The following CADPS2 variants were observed in gnomAD, a reference collection of about 807,000 sequenced individuals.
CADPS2 encodes calcium-dependent secretion activator 2.
Under a neutral mutation model 172.5 loss-of-function variants are expected in CADPS2, and 93 were observed. That is an observed-to-expected ratio of 0.54 (90% CI 0.46 to 0.64). CADPS2 has a LOEUF of 0.64. Among genes scored for constraint, CADPS2 ranks in the 30% least tolerant of loss-of-function variants. The probability of loss-of-function intolerance (pLI) is 0.00; values close to 1 mark genes in which losing one functional copy is unlikely to be tolerated. For missense variants in CADPS2, 1,420 were observed against 1,565.9 expected (o/e 0.91, Z 1.57); for synonymous variants, 546 against 555.2 (o/e 0.98, Z 0.23).
chr7:122,706,959 T>A (rs185443856), intron 2 of CADPS2, among the ~76,000 whole-genome samples: 3 of 151,556 alleles, frequency 2.0e-5, no homozygotes, highest in Non-Finnish European at 4.4e-5. Context: ...ATCATGATTA[T>A]CTTAGGTTAA....
At chr7:122,444,886 T>A (rs958546370) in intron 15 of CADPS2, among the ~76,000 whole-genome samples, 1 of 152,194 alleles carries the variant, frequency 6.6e-6, no homozygotes. Context: ...GACACAGATT[T>A]TTCACCCAAG....
At chr7:122,465,480 G>A (rs1255389174) in intron 14 of CADPS2, among the ~76,000 whole-genome samples, 1 of 152,178 alleles carries the variant, frequency 6.6e-6, no homozygotes, top group East Asian at 1.9e-4. Context: ...AGGCAAGCGA[G>A]TACTGCCTGA....
intron 1 of CADPS2, among the ~76,000 whole-genome samples, chr7:122,743,224 A>T (rs149785239): frequency 1.6e-4 from 25 of 152,338 alleles, no homozygotes; most frequent in African/African-American, 6.0e-4. Context: ...AATTTTATAA[A>T]TCTGACCTGG....
chr7:122,687,642 T>G (rs1459148668), intron 2 of CADPS2, among the ~76,000 whole-genome samples: 1 of 152,194 alleles, frequency 6.6e-6, no homozygotes, highest in Non-Finnish European at 1.5e-5. Flanking sequence ...TAGCAACACC[T>G]TGTGTATTAT....
At chr7:122,394,475 T>C (rs889316878) in intron 20 of CADPS2, among the ~76,000 whole-genome samples, 1 of 152,206 alleles carries the variant, frequency 6.6e-6, no homozygotes, top group African/African-American at 2.4e-5. Flanking sequence ...TCAAAGAACA[T>C]GTCCTAAGCC....
At chr7:122,850,288 C>T (rs1047768521) in intron 1 of CADPS2, 20 of 627,616 alleles carry the variant, frequency 3.2e-5, no homozygotes, top group Non-Finnish European at 4.0e-5. Flanking sequence ...CCAGCAGCCT[C>T]CTTTCAGGGG....
chr7:122,357,057 A>G (rs2039503151), intron 27 of CADPS2, among the ~76,000 whole-genome samples: 1 of 152,202 alleles, frequency 6.6e-6, no homozygotes, highest in Admixed American at 6.5e-5. Flanking sequence ...GCATATACAT[A>G]TATCTAAAAA....
intron 15 of CADPS2, among the ~76,000 whole-genome samples, chr7:122,443,042 C>T (rs1419732441): frequency 6.6e-6 from 1 of 152,144 alleles, no homozygotes; most frequent in African/African-American, 2.4e-5. Context: ...TTGTAGTCCC[C>T]TCCCCCTGCT....
chr7:122,545,247 A>G (rs1158908178), intron 8 of CADPS2, among the ~76,000 whole-genome samples: 1 of 152,204 alleles, frequency 6.6e-6, no homozygotes, highest in Non-Finnish European at 1.5e-5. Flanking sequence ...GATGGCTTGC[A>G]GTTAGCGGAG....
In CADPS2 at chr7:122,837,572, C is replaced by T. The variant is rs138071457; in HGVS notation, c.339+48427G>A. Among the ~76,000 whole-genome samples the T allele has an allele frequency of 4.9e-3, 749 of 151,920 alleles. 1 individual carries two copies. The highest frequency in any genetic ancestry group is 8.2e-3 in the Non-Finnish European group (560 of 67,934). The stretch of plus-strand genomic sequence containing the variant: ...AGAAAAGAGAGAAGAATCAAATAGA[C>T]GCAATAAAAAATGATAAAGAGGATA... On this transcript the variant is annotated intron_variant, in intron 1 of 29. Transcript: ENST00000449022.
Position 122,640,647 on chromosome 7 carries a change from G to A in CADPS2, c.787-11319C>T, listed in dbSNP as rs1198980827. Among the ~76,000 whole-genome samples the A allele has an allele frequency of 2.0e-5, 3 of 151,932 alleles. No homozygotes were observed. The East Asian group carries it at 5.8e-4, about 29-fold the overall frequency. Reference sequence around the variant, plus strand: ...AAAAATAAAAATAAAAAAAAATATTGTTGGCTGGGCGCGGTGGCTCACGCC... The same window carrying A: ...AAAAATAAAAATAAAAAAAAATATTATTGGCTGGGCGCGGTGGCTCACGCC... On this transcript the variant is annotated intron_variant, in intron 3 of 29. Coordinates refer to ENST00000449022, the MANE Select transcript of CADPS2 (RefSeq NM_017954.11).
In CADPS2 at chr7:122,705,766, A is replaced by G. The variant is rs1218100092; in HGVS notation, c.453+31189T>C. ...ATATAATATATATAATATATAATAT[A>G]TGATATATTATATAATATATATCAT... On this transcript the variant is annotated intron_variant, in intron 2 of 29. Coordinates refer to ENST00000449022, the MANE Select transcript of CADPS2 (RefSeq NM_017954.11). 1.6e-4 allele frequency among the ~76,000 whole-genome samples: 3 copies of G among 19,018 alleles called. 1 individual carries two copies. The highest frequency in any genetic ancestry group is 5.8e-4 in the African/African-American group (3 of 5,214). The allele number at this position is 19,018 out of a possible 152,430, so 12.5% of individuals were successfully genotyped here. A position where few individuals can be genotyped will look rare whatever the true frequency, so the allele number is the denominator to read the frequency against.
intron 11 of CADPS2, among the ~76,000 whole-genome samples, chr7:122,489,529 AT>A (rs1193143246): frequency 6.6e-6 from 1 of 152,158 alleles, no homozygotes; most frequent in Non-Finnish European, 1.5e-5. Context: ...AAAATTAAAA[AT>A]TTAGTTCTTA....
intron 7 of CADPS2, among the ~76,000 whole-genome samples, chr7:122,564,430 T>C (rs2066140221): frequency 6.6e-6 from 1 of 152,106 alleles, no homozygotes; most frequent in African/African-American, 2.4e-5. Flanking sequence ...TGCCTCAGCC[T>C]CCGGAGTAGC....
chr7:122,662,375 CTTTTTTTTTT>C (rs57852366), intron 3 of CADPS2, among the ~76,000 whole-genome samples: 1 of 127,750 alleles, frequency 7.8e-6, no homozygotes, highest in Non-Finnish European at 1.6e-5. Context: ...TCCTTCCCTG[CTTTTTTTTTT>C]TTTTTTTTTT....
intron 20 of CADPS2, among the ~76,000 whole-genome samples, chr7:122,399,969 C>T (rs922105859): frequency 1.3e-5 from 2 of 151,180 alleles, no homozygotes; most frequent in Non-Finnish European, 3.0e-5. Context: ...CCACCGCGCC[C>T]GGCCAAGGGT....
intron 3 of CADPS2, among the ~76,000 whole-genome samples, chr7:122,634,848 C>T (rs929781047): frequency 1.3e-5 from 2 of 152,046 alleles, no homozygotes; most frequent in Admixed American, 6.6e-5. Flanking sequence ...TTGGTAAGTT[C>T]TGTCTCTATT....
intron 3 of CADPS2, among the ~76,000 whole-genome samples, chr7:122,634,831 A>G (rs1215575989): frequency 6.6e-6 from 1 of 152,116 alleles, no homozygotes; most frequent in African/African-American, 2.4e-5. Flanking sequence ...GCGGCATCCC[A>G]AAGATTTTGG....
At chr7:122,697,663 T>G (rs1297534532) in intron 2 of CADPS2, 3 of 759,282 alleles carry the variant, frequency 4.0e-6, no homozygotes, top group Non-Finnish European at 6.2e-6. Flanking sequence ...GGACAAAGAA[T>G]GTATAAAATT....
Sources: gnomAD v4.1 joint callset for allele counts (sites outside exome capture counted in the v4.1 genomes callset) on GRCh38, gnomAD v4.1.1 for gene constraint, MANE v1.5 for transcripts, NCBI Gene and HGNC (gene_info 2026-07-23, HGNC 2026-07-21) for gene names.